Variants in DLGAP2 observed in about 807,000 individuals in gnomAD.
DLGAP2 encodes the protein disks large-associated protein 2.
Under a neutral mutation model 100.3 loss-of-function variants are expected in DLGAP2, and 26 were observed. The ratio of observed to expected loss-of-function variants is 0.26; its 90% confidence interval spans 0.19 to 0.36. The LOEUF is 0.36. Among genes scored for constraint, DLGAP2 ranks in the 10% least tolerant of loss-of-function variants. The pLI, the probability that DLGAP2 is intolerant of heterozygous loss-of-function variation, is 1.00. For synonymous variants in DLGAP2, 886 were observed against 630.1 expected, an observed-to-expected ratio of 1.41 and a Z score of -6.08; for missense variants, 1,858 against 1,453.2, an observed-to-expected ratio of 1.28 and a Z score of -4.53.
At chr8:1,481,471 CTTTTTTTTT>C (rs1165790168) in intron 3 of DLGAP2, among the ~76,000 whole-genome samples, 1 of 43,668 alleles carries the variant, frequency 2.3e-5, no homozygotes, top group South Asian at 1.3e-3. Flanking sequence ...TTTTCTTTTT[CTTTTTTTTT>C]TTTTTTTTTT....
intron 2 of DLGAP2, among the ~76,000 whole-genome samples, chr8:1,151,459 G>A (rs982668498): frequency 1.3e-4 from 20 of 152,188 alleles, no homozygotes; most frequent in Non-Finnish European, 2.8e-4. Flanking sequence ...GGCAGCTTTG[G>A]GACGGTGAAC....
chr8:789,305 G>T (rs1488582232), intron 1 of DLGAP2, among the ~76,000 whole-genome samples: 1 of 152,208 alleles, frequency 6.6e-6, no homozygotes, highest in Non-Finnish European at 1.5e-5. Flanking sequence ...TACAACCATG[G>T]CGGAAGGCGA....
chr8:1,582,530 A>AT (rs1421570393), intron 6 of DLGAP2, among the ~76,000 whole-genome samples: 2 of 151,454 alleles, frequency 1.3e-5, no homozygotes, highest in Non-Finnish European at 2.9e-5. Flanking sequence ...AAAAAAAAAA[A>AT]GCTAGGGAAA....
intron 12 of DLGAP2, among the ~76,000 whole-genome samples, chr8:1,689,595 T>C (rs535233858): frequency 6.6e-6 from 1 of 152,004 alleles, no homozygotes; most frequent in Non-Finnish European, 1.5e-5. Context: ...TTAGGGTGTG[T>C]CGTGTAGGTT....
chr8:1,598,418 G>C (rs967675593), intron 6 of DLGAP2, among the ~76,000 whole-genome samples: 14 of 152,156 alleles, frequency 9.2e-5, no homozygotes, highest in African/African-American at 3.4e-4. Flanking sequence ...TCTATTGTTT[G>C]GAATAATTTC....
At chr8:909,559 C>G (rs1798444514) in intron 2 of DLGAP2, among the ~76,000 whole-genome samples, 2 of 151,918 alleles carry the variant, frequency 1.3e-5, no homozygotes, top group Non-Finnish European at 2.9e-5. Context: ...TCATGAGACT[C>G]CAAGTAATCA....
intron 6 of DLGAP2, among the ~76,000 whole-genome samples, chr8:1,625,840 T>G (rs539163567): frequency 6.6e-6 from 1 of 152,372 alleles, no homozygotes; most frequent in East Asian, 1.9e-4. Context: ...GAAATTCACA[T>G]TCATAAATAT....
intron 2 of DLGAP2, among the ~76,000 whole-genome samples, chr8:1,201,542 C>G (rs528447767): frequency 1.1e-4 from 16 of 152,350 alleles, no homozygotes; most frequent in Admixed American, 6.5e-4. Context: ...GACATCGCAT[C>G]TCCGGACGGA....
intron 2 of DLGAP2, among the ~76,000 whole-genome samples, chr8:1,095,143 C>A (rs1042490345): frequency 6.6e-6 from 1 of 152,130 alleles, no homozygotes; most frequent in African/African-American, 2.4e-5. Flanking sequence ...TGGAGTGAGA[C>A]AGCCTGGTGC....
intron 1 of DLGAP2, among the ~76,000 whole-genome samples, chr8:792,650 A>G (rs1381949660): frequency 6.6e-6 from 1 of 152,240 alleles, no homozygotes; most frequent in Non-Finnish European, 1.5e-5. Context: ...TGTCAGAATA[A>G]AAATGGATTG....
rs1017651500 is a variant in DLGAP2, at chr8:1,701,674, C to T, written c.*268C>T. 1 of 483,256 alleles carries T rather than the reference C, an allele frequency of 2.1e-6. No individual in the cohort carries two copies. The highest frequency in any genetic ancestry group is 3.6e-6 in the Non-Finnish European group (1 of 276,926). The allele number at this position is 483,256 out of a possible 1,614,324, so 29.9% of individuals were successfully genotyped here. On this transcript the variant is annotated 3_prime_UTR_variant, in exon 15 of 15. Transcript: ENST00000637795. ...CTCTGAGGGACAGGTGTGGCGAGAC[C>T]TGATTTCTCCTGCGTGTTCTCAGAG...
In DLGAP2 at chr8:1,202,382, T is replaced by C. The variant is rs1225625076; in HGVS notation, c.74-56469T>C. Among the ~76,000 whole-genome samples the C allele has an allele frequency of 5.3e-5, 8 of 152,082 alleles. No individual in the cohort carries two copies. The South Asian group carries it at 1.7e-3, about 32-fold the overall frequency. On this transcript the variant is annotated intron_variant, in intron 2 of 14. Coordinates refer to ENST00000637795, the MANE Select transcript of DLGAP2 (RefSeq NM_001346810.2). ...TCTTGGCACCTGTTGTGCTGTGCAG[T>C]GGACGTCCATGCTGTTGTGGGGCGT...
Position 1,275,825 on chromosome 8 carries a change from A to C in DLGAP2, c.106+16942A>C, listed in dbSNP as rs12678617. Among the ~76,000 whole-genome samples, 531 of 57,036 alleles carry C rather than the reference A, an allele frequency of 9.3e-3. 4 individuals are homozygous for C. The highest frequency in any genetic ancestry group is 0.034 in the South Asian group (60 of 1,780). The allele number at this position is 57,036 out of a possible 152,430, so 37.4% of individuals were successfully genotyped here. The stretch of plus-strand genomic sequence containing the variant: ...AAATATATAAGATATATAATATATA[A>C]AAATAAATATATAATATATAAATAT... On this transcript the variant is annotated intron_variant, in intron 3 of 14. Coordinates refer to ENST00000637795, the MANE Select transcript of DLGAP2 (RefSeq NM_001346810.2).
intron 3 of DLGAP2, among the ~76,000 whole-genome samples, chr8:1,376,418 C>T (rs6558461): frequency 1.3e-5 from 2 of 152,114 alleles, no homozygotes; most frequent in Admixed American, 1.3e-4. Context: ...CGCTGCATGG[C>T]CTCTGTGCCC....
chr8:1,045,761 G>T (rs955344869), intron 2 of DLGAP2, among the ~76,000 whole-genome samples: 1 of 152,100 alleles, frequency 6.6e-6, no homozygotes, highest in Non-Finnish European at 1.5e-5. Flanking sequence ...TTTTGGATGG[G>T]GACACCCAGA....
chr8:920,652 G>A (rs1270818502), intron 2 of DLGAP2, among the ~76,000 whole-genome samples: 11 of 152,116 alleles, frequency 7.2e-5, no homozygotes, highest in Admixed American at 7.2e-4. Flanking sequence ...TCAGGAGGCT[G>A]AGGTACAAGG....
chr8:1,082,272 T>G (rs1460347440), intron 2 of DLGAP2, among the ~76,000 whole-genome samples: 1 of 152,148 alleles, frequency 6.6e-6, no homozygotes, highest in Non-Finnish European at 1.5e-5. Flanking sequence ...TTCAAGAAAT[T>G]TTTGCAAAAA....
intron 2 of DLGAP2, among the ~76,000 whole-genome samples, chr8:1,036,347 C>A (rs1802123208): frequency 6.6e-6 from 1 of 152,238 alleles, no homozygotes; most frequent in African/African-American, 2.4e-5. Flanking sequence ...TGGATGCTGG[C>A]TTGGGGAGGA....
chr8:1,293,295 C>T (rs963201279), intron 3 of DLGAP2, among the ~76,000 whole-genome samples: 3 of 152,202 alleles, frequency 2.0e-5, no homozygotes, highest in African/African-American at 7.2e-5. Context: ...GAGCATGGCC[C>T]CCAGCCAGGC....
Sources: allele counts gnomAD v4.1 joint callset (sites outside exome capture counted in the v4.1 genomes callset), GRCh38; gene constraint gnomAD v4.1.1; transcripts MANE v1.5; gene names NCBI Gene and HGNC (gene_info 2026-07-23, HGNC 2026-07-21).